The following TENM1 variants were observed in gnomAD, a reference collection of about 807,000 sequenced individuals.
The protein encoded by TENM1 is teneurin-1.
Under a neutral mutation model 174.8 loss-of-function variants are expected in TENM1, and 35 were observed. The observed-to-expected ratio is 0.20, with a 90% CI of 0.15 to 0.27. TENM1 has a LOEUF of 0.27. TENM1 is among the 10% of genes least tolerant of loss of function. The pLI is 1.00. For synonymous variants in TENM1, 781 were observed against 798.7 expected, an observed-to-expected ratio of 0.98 and a Z score of 0.37; for missense variants, 1,633 against 2,130.1, an observed-to-expected ratio of 0.77 and a Z score of 4.59.
chrX:124,782,469 C>G (rs1332752490), intron 3 of TENM1, among the ~76,000 whole-genome samples: 1 of 110,471 alleles, frequency 9.1e-6, no homozygotes, highest in African/African-American at 3.3e-5. Context: ...TATACCATAC[C>G]CTATGCTTCA....
intron 23 of TENM1, among the ~76,000 whole-genome samples, chrX:124,444,011 G>A (rs1351507469): frequency 8.9e-6 from 1 of 112,098 alleles, no homozygotes; most frequent in African/African-American, 3.2e-5. Flanking sequence ...CTGGTCATAG[G>A]CCATTATATT....
chrX:124,513,336 T>C (rs1446150654), intron 18 of TENM1, among the ~76,000 whole-genome samples: 1 of 111,674 alleles, frequency 9.0e-6, no homozygotes, highest in Non-Finnish European at 1.9e-5. Flanking sequence ...CATGTAACTC[T>C]GACCTCCCCT....
chrX:124,667,154 C>A (rs1404943781), intron 6 of TENM1, among the ~76,000 whole-genome samples: 2 of 111,589 alleles, frequency 1.8e-5, no homozygotes, highest in Admixed American at 9.6e-5. Context: ...TTTTAACATT[C>A]TAATTTATTG....
Position 124,645,058 on chromosome X carries a change from C to G in TENM1, c.1876+85G>C, listed in dbSNP as rs746851854. ...ATTTATTGTTTGCAAAGGCCACTTG[C>G]ATCTCTACTAGGAGAACAGAATGAC... On this transcript the variant is annotated intron_variant, in intron 10 of 31. Transcript: ENST00000422452. 15 of 966,567 alleles carry G rather than the reference C, an allele frequency of 1.6e-5. No individual in the cohort carries two copies. The East Asian group carries it at 4.4e-4, about 28-fold the overall frequency. The allele number at this position is 966,567 out of a possible 1,213,427, so 79.7% of individuals were successfully genotyped here.
At chrX:124,859,162 T>C (rs944494675) in intron 3 of TENM1, among the ~76,000 whole-genome samples, 15 of 111,444 alleles carry the variant, frequency 1.3e-4, no homozygotes, top group Non-Finnish European at 1.9e-5. Flanking sequence ...AATTAAACAT[T>C]TTAAGGCTTG....
intron 11 of TENM1, among the ~76,000 whole-genome samples, chrX:124,614,653 C>T (rs773037516): frequency 4.5e-5 from 5 of 112,175 alleles, no homozygotes; most frequent in Non-Finnish European, 9.4e-5. Flanking sequence ...GAGGCCTAGG[C>T]GGGCAGATCA....
chrX:125,020,155 C>G, the TENM1 span, among the ~76,000 whole-genome samples: 1 of 111,141 alleles, frequency 9.0e-6, no homozygotes, highest in Non-Finnish European at 1.9e-5. Context: ...CAGTCTCCCT[C>G]TAATTACTCT....
chrX:124,841,983 A>G (rs990793284), intron 3 of TENM1, among the ~76,000 whole-genome samples: 8 of 112,331 alleles, frequency 7.1e-5, no homozygotes, highest in African/African-American at 2.3e-4. Context: ...GCCTCTAGAA[A>G]GTCGAATTGA....
chrX:124,540,850 C>A (rs2048303231), intron 15 of TENM1, among the ~76,000 whole-genome samples: 1 of 111,551 alleles, frequency 9.0e-6, no homozygotes, highest in African/African-American at 3.3e-5. Context: ...CCAAAGTGAG[C>A]CAGTTAGCAG....
rs781576682 is a variant in TENM1 at position 124,463,838 on chromosome X, T to G, written c.3950-10347A>C. ...TTTCTTTGCTTTATAGAGGTTGGGG[T>G]GTGTGTGTGTGTGTGTGTGTGTGTG... On this transcript the variant is annotated intron_variant, in intron 22 of 31. Transcript: ENST00000422452. Among the ~76,000 whole-genome samples the G allele has an allele frequency of 5.2e-4, 31 of 60,062 alleles. 1 individual carries two copies. The South Asian group carries it at 9.3e-3, about 18-fold the overall frequency. 52.2% of individuals were successfully genotyped at this position (60,062 alleles called of 115,157 possible).
At chrX:125,098,578 GACA>G in the TENM1 span, among the ~76,000 whole-genome samples, 1 of 111,981 alleles carries the variant, frequency 8.9e-6, no homozygotes, top group Non-Finnish European at 1.9e-5. Flanking sequence ...CAAGCATAAA[GACA>G]ACAACAAGAA....
chrX:124,798,953 C>T (rs1377246728), intron 3 of TENM1, among the ~76,000 whole-genome samples: 5 of 111,639 alleles, frequency 4.5e-5, no homozygotes, highest in Non-Finnish European at 7.5e-5. Context: ...GGAATCCTTA[C>T]CCCATTGCTT....
the TENM1 span, among the ~76,000 whole-genome samples, chrX:125,018,127 T>C: frequency 8.9e-6 from 1 of 112,135 alleles, no homozygotes; most frequent in Non-Finnish European, 1.9e-5. Flanking sequence ...TCAGATAATT[T>C]AAAGTTAATG....
At chrX:124,913,584 A>G (rs903042102) in intron 1 of TENM1, among the ~76,000 whole-genome samples, 5 of 112,061 alleles carry the variant, frequency 4.5e-5, no homozygotes, top group African/African-American at 1.3e-4. Context: ...TTGTGAATTT[A>G]GCCATACCTT....
At chrX:125,030,144 T>C in the TENM1 span, among the ~76,000 whole-genome samples, 2 of 112,136 alleles carry the variant, frequency 1.8e-5, no homozygotes, top group East Asian at 5.6e-4. Context: ...AATTAATGTT[T>C]TGAGAGTTCA....
chrX:124,866,686 T>C (rs2057014161), intron 3 of TENM1, among the ~76,000 whole-genome samples: 1 of 111,127 alleles, frequency 9.0e-6, no homozygotes, highest in African/African-American at 3.3e-5. Context: ...TTAATTTCAA[T>C]GAAACTGAAA....
intron 11 of TENM1, among the ~76,000 whole-genome samples, chrX:124,589,889 C>T (rs1422597691): frequency 2.7e-5 from 3 of 110,689 alleles, no homozygotes; most frequent in African/African-American, 9.8e-5. Context: ...TAATTCTTTG[C>T]TTGGATTTTT....
chrX:124,578,971 A>C (rs2049237050), intron 11 of TENM1, among the ~76,000 whole-genome samples: 1 of 112,270 alleles, frequency 8.9e-6, no homozygotes, highest in Non-Finnish European at 1.9e-5. Flanking sequence ...TTCACCAATT[A>C]GATTTATTTG....
intron 1 of TENM1, among the ~76,000 whole-genome samples, chrX:124,959,386 G>A (rs146442585): frequency 0.013 from 1,443 of 111,574 alleles, 27 homozygotes; most frequent in African/African-American, 0.045. Context: ...ATAAGTCAGT[G>A]CACTGAAGGA....
Sources: gnomAD v4.1 joint callset for allele counts (sites outside exome capture counted in the v4.1 genomes callset) on GRCh38, gnomAD v4.1.1 for gene constraint, MANE v1.5 for transcripts, NCBI Gene and HGNC (gene_info 2026-07-23, HGNC 2026-07-21) for gene names.